Variants in ZNF596 observed in about 807,000 individuals in gnomAD.
The protein encoded by ZNF596 is zinc finger protein 596.
Under a neutral mutation model 48.3 loss-of-function variants are expected in ZNF596, and 45 were observed. The ratio of observed to expected loss-of-function variants is 0.93; its 90% CI spans 0.73 to 1.19. The LOEUF (loss-of-function observed/expected upper bound fraction) is 1.19. ZNF596 is among the 50% of genes most tolerant of loss of function. ZNF596 has a pLI of 0.00. For synonymous variants in ZNF596, 270 were observed against 202.0 expected, an observed-to-expected ratio of 1.34 and a Z score of -2.85; for missense variants, 848 against 599.7, an observed-to-expected ratio of 1.41 and a Z score of -4.32.
rs1797105350 is a variant in ZNF596, at chr8:246,728, A to C, written c.*366A>C. On this transcript the variant is annotated 3_prime_UTR_variant, in exon 6 of 6. Coordinates refer to ENST00000398612, the MANE Select transcript of ZNF596 (RefSeq NM_001042416.3). ...AAACAAATGAGTAAAATCCACAGGC[A>C]AGCAACCATATGTCTGTAATTGCTG... is the stretch of plus-strand genomic sequence containing the variant. 1 of 183,220 alleles carries C rather than the reference A, an allele frequency of 5.5e-6. No homozygotes were observed. The allele number at this position is 183,220 out of a possible 1,614,324, so 11.3% of individuals were successfully genotyped here. A position where few individuals can be genotyped will look rare whatever the true frequency, so the allele number is the denominator to read the frequency against.
rs1796824260 is a variant in ZNF596, at chr8:240,843, G to C, written c.-53G>C. 6.2e-7 allele frequency: 1 copy of C among 1,610,670 alleles called. No homozygotes were observed. The highest frequency in any genetic ancestry group is 2.2e-5 in the East Asian group (1 of 44,858). ...GCTCAGATTTGTCTTCTTAGTGCTT[G>C]GATGGTGTGAGTGAAAACCCAGAGG... On this transcript the variant is annotated 5_prime_UTR_variant, in exon 2 of 6. Transcript: ENST00000398612.
chr8:241,192 C>T (rs1206700908), intron 2 of ZNF596, among the ~76,000 whole-genome samples: 1 of 152,130 alleles, frequency 6.6e-6, no homozygotes, highest in Non-Finnish European at 1.5e-5. Context: ...CATTACGAGC[C>T]TCTCATGGCC....
intron 4 of ZNF596, chr8:244,330 G>C (rs778559412): frequency 1.1e-5 from 4 of 348,346 alleles, no homozygotes; most frequent in Non-Finnish European, 2.1e-5. Flanking sequence ...CTTTTGTAAA[G>C]GGGATATTTG....
rs1563069691 is a variant in ZNF596 at position 245,206 on chromosome 8, T to C, written c.359T>C (p.Phe120Ser). 6.2e-7 allele frequency: 1 copy of C among 1,610,760 alleles called. No individual in the cohort carries two copies. The highest frequency in any genetic ancestry group is 8.5e-7 in the Non-Finnish European group (1 of 1,177,946). The change falls in exon 6 of 6, where the codon TTC becomes TCC. Residue 120 changes from phenylalanine to serine, a missense_variant. Transcript: ENST00000398612. ...CTATGCAATGACTTAGGAGAAGATT[T>C]CACTCAACATATAGCATTGACTCAA... is the stretch of plus-strand genomic sequence containing the variant. ...PFLCNDLGED[F>S]TQHIALTQNV... is the part of the protein sequence containing the mutation.
chr8:233,225 G>C (rs1042385668), intron 1 of ZNF596: 1 of 424,184 alleles, frequency 2.4e-6, no homozygotes, highest in Non-Finnish European at 5.0e-6. Flanking sequence ...GACAAAATGG[G>C]AATCAGCAGA....
rs146488899 is a variant in ZNF596 at position 242,781 on chromosome 8, T to C, written c.13-106T>C. ...GAACCCCAAACACTGTTTTGAGTTT[T>C]CTGTTCATACCACCCACACTTCCTT... is the stretch of plus-strand genomic sequence containing the variant. On this transcript the variant is annotated intron_variant, in intron 2 of 5. Transcript: ENST00000398612. 8.9e-4 allele frequency: 998 copies of C among 1,124,276 alleles called. 12 individuals carry two copies. In the African/African-American group the frequency reaches 0.014, roughly 16 times the overall value. 69.6% of individuals were successfully genotyped at this position (1,124,276 alleles called of 1,614,324 possible).
rs574138198 is a variant in ZNF596 at position 243,132 on chromosome 8, A to G, written c.139+119A>G. The G allele has an allele frequency of 1.7e-5, 15 of 876,752 alleles. No homozygotes were observed. In the African/African-American group the frequency reaches 2.6e-4, roughly 15 times the overall value. 54.3% of individuals were successfully genotyped at this position (876,752 alleles called of 1,614,324 possible). A position where few individuals can be genotyped will look rare whatever the true frequency, so the allele number is the denominator to read the frequency against. On this transcript the variant is annotated intron_variant, in intron 3 of 5. Coordinates refer to ENST00000398612, the MANE Select transcript of ZNF596 (RefSeq NM_001042416.3). ...AACAGCTTTCTCATCTATCACTTCA[A>G]CTTCTGCTTTGATCCTTTCATAACT...
intron 1 of ZNF596, chr8:237,764 T>C (rs1379636417): frequency 6.6e-6 from 1 of 152,220 alleles, no homozygotes; most frequent in Admixed American, 6.5e-5. Context: ...TCATATTTGG[T>C]GTTTAATTTT....
At position 242,931 on chromosome 8, in the gene ZNF596, A is replaced by G. The variant is rs757520909; in HGVS notation, c.57A>G (p.Glu19=). The change falls in exon 3 of 6, where the codon GAA becomes GAG. Residue 19 remains glutamate (E), a synonymous_variant. Transcript: ENST00000398612. ...ATATCATTGTAGACTTCACTCAAGA[A>G]GAGTGGGCCCTGCTGGACACATCCC... is the stretch of plus-strand genomic sequence containing the variant. ...FEDIIVDFTQ[E]EWALLDTSQR... is the part of the protein sequence containing the mutation. 40 of 1,602,510 alleles carry G rather than the reference A, an allele frequency of 2.5e-5. No individual in the cohort carries two copies. In the South Asian group the frequency reaches 4.4e-4, roughly 18 times the overall value.
chr8:238,903 A>C (rs1423750922), intron 1 of ZNF596, among the ~76,000 whole-genome samples: 1 of 97,182 alleles, frequency 1.0e-5, no homozygotes, highest in East Asian at 2.8e-4. Context: ...GACAACACTG[A>C]TAACAAGTAA....
rs538708176 is a variant in ZNF596 at position 244,797 on chromosome 8, C to G, written c.306+96C>G. On this transcript the variant is annotated intron_variant, in intron 5 of 5. Transcript: ENST00000398612. ...TACAGGTACCTGACTGTACTTAAAG[C>G]CCTCCCAGCAGTTTTAGATAGTTTG... is the stretch of plus-strand genomic sequence containing the variant. The G allele has an allele frequency of 1.3e-5, 13 of 987,704 alleles. No individual in the cohort carries two copies. In the African/African-American group the frequency reaches 2.0e-4, roughly 15 times the overall value. 61.2% of individuals were successfully genotyped at this position (987,704 alleles called of 1,614,324 possible).
intron 3 of ZNF596, 154 bp from the exon 4 acceptor site, chr8:243,568 C>G: frequency 1.7e-6 from 1 of 597,180 alleles, no homozygotes; most frequent in Non-Finnish European, 2.9e-6. Flanking sequence ...TCATTTTGCT[C>G]GTGAAGGACT....
At chr8:234,113 G>A (rs570904740) in intron 1 of ZNF596, among the ~76,000 whole-genome samples, 14 of 152,206 alleles carry the variant, frequency 9.2e-5, no homozygotes, top group Admixed American at 7.2e-4. Flanking sequence ...CTTGGGATTT[G>A]GGTATTCAGG....
In ZNF596 at chr8:246,174, G is replaced by A. The variant is rs1193352057; in HGVS notation, c.1327G>A (p.Gly443Arg). ...TAGACGACATGAGAGAACTCACACTGGAGAGAAACCATATGAATGCAATAT... is the reference window on the plus strand; with the variant it reads ...TAGACGACATGAGAGAACTCACACTAGAGAGAAACCATATGAATGCAATAT... ...VLRRHERTHT[G>R]EKPYECNICG... The change falls in exon 6 of 6, where the codon GGA becomes AGA. Residue 443 changes from glycine (G) to arginine (R), a missense_variant. Gly to Arg is a moderately radical substitution (Grantham distance 125). Coordinates refer to ENST00000398612, the MANE Select transcript of ZNF596 (RefSeq NM_001042416.3). The A allele has an allele frequency of 6.2e-7, 1 of 1,614,098 alleles. No individual in the cohort carries two copies. The highest frequency in any genetic ancestry group is 1.7e-5 in the Admixed American group (1 of 60,014).
chr8:240,708 C>T, intron 1 of ZNF596, 116 bp from the exon 2 acceptor site: 6 of 657,288 alleles, frequency 9.1e-6, no homozygotes, highest in Non-Finnish European at 1.4e-5. Context: ...CCCAACCCAC[C>T]CCCTACCCAC....
Position 245,880 on chromosome 8 carries a change from T to C in ZNF596, c.1033T>C (p.Ser345Pro), listed in dbSNP as rs1195829164. The C allele has an allele frequency of 6.2e-7, 1 of 1,608,798 alleles. No individual in the cohort carries two copies. The highest frequency in any genetic ancestry group is 1.1e-5 in the South Asian group (1 of 90,742). Residue 345 changes from serine (S) to proline (P), a missense_variant, in exon 6 of 6, where the codon TCT (serine) becomes CCT (proline). Coordinates refer to ENST00000398612, the MANE Select transcript of ZNF596 (RefSeq NM_001042416.3). ...YECHLCGKAF[S>P]HCSHLRQHER... ...ATGTCATCTATGTGGAAAAGCCTTC[T>C]CTCATTGTTCTCACCTTAGACAACA...
chr8:246,216 A>C lies in ZNF596; in HGVS notation c.1369A>C (p.Asn457His), dbSNP rs781753767. ...ATGCAATATATGTGGTAAAGCCTTCAATAGAAGTTACAACTTTAGACTTCA... is the reference window on the plus strand; with the variant it reads ...ATGCAATATATGTGGTAAAGCCTTCCATAGAAGTTACAACTTTAGACTTCA... The part of the protein sequence containing the change: ...YECNICGKAF[N>H]RSYNFRLHRR... The change falls in exon 6 of 6, where the codon AAT (asparagine) becomes CAT (histidine). Residue 457 changes from asparagine to histidine, a missense_variant. Asn to His is a moderately conservative substitution (Grantham distance 68). Coordinates refer to ENST00000398612, the MANE Select transcript of ZNF596 (RefSeq NM_001042416.3). The C allele has an allele frequency of 1.9e-6, 3 of 1,614,086 alleles. No individual in the cohort carries two copies. Among genetic ancestry groups the C allele is most frequent in the Non-Finnish European group, 1.7e-6 (2 of 1,180,036 alleles).
chr8:244,376 C>T (rs1796974550), intron 4 of ZNF596: 1 of 509,204 alleles, frequency 2.0e-6, no homozygotes, highest in South Asian at 2.4e-5. Flanking sequence ...CATACTAGCC[C>T]TTTATAATGG....
chr8:243,747 G>C lies in ZNF596; in HGVS notation c.165G>C (p.Val55=). Residue 55 remains valine (V), a synonymous_variant, in exon 4 of 6, where the codon GTG becomes GTC. Transcript: ENST00000398612. The part of the protein sequence containing the change: ...SIGKQLCKSV[V]LSQLEQVEKL... ...GCAAACAGCTCTGCAAATCAGTTGT[G>C]CTTTCCCAATTGGAGCAAGTAGAGA... 6.2e-7 allele frequency: 1 copy of C among 1,613,722 alleles called. No individual in the cohort carries two copies. The highest frequency in any genetic ancestry group is 8.5e-7 in the Non-Finnish European group (1 of 1,179,750).
Sources: allele counts gnomAD v4.1 joint callset (sites outside exome capture counted in the v4.1 genomes callset), GRCh38; gene constraint gnomAD v4.1.1; transcripts MANE v1.5; gene names NCBI Gene and HGNC (gene_info 2026-07-23, HGNC 2026-07-21).